LRMDA: variants seen among roughly 807,000 people sequenced by gnomAD.
LRMDA encodes the protein leucine-rich melanocyte differentiation-associated protein.
Under a neutral mutation model 29.8 loss-of-function variants are expected in LRMDA, and 18 were observed. The ratio of observed to expected loss-of-function variants is 0.60; its 90% CI spans 0.42 to 0.90. The LOEUF (loss-of-function observed/expected upper bound fraction) is 0.90, where lower values mean the gene tolerates loss of function less well. LRMDA is among the 40% of genes least tolerant of loss of function. LRMDA has a pLI of 0.00. For missense variants in LRMDA, 273 were observed against 273.9 expected (o/e 1.00, Z 0.02); for synonymous variants, 125 against 109.4 (o/e 1.14, Z -0.89).
chr10:75,512,115 G>C (rs1176248272), intron 2 of LRMDA, among the ~76,000 whole-genome samples: 3 of 152,196 alleles, frequency 2.0e-5, no homozygotes, highest in African/African-American at 7.2e-5. Flanking sequence ...ACTTTCATCT[G>C]TTTGGACAAG....
chr10:76,226,968 G>A (rs1355229449), intron 5 of LRMDA, among the ~76,000 whole-genome samples: 1 of 152,180 alleles, frequency 6.6e-6, no homozygotes, highest in Non-Finnish European at 1.5e-5. Context: ...AATAAAACAA[G>A]CAATGTTGTG....
intron 6 of LRMDA, among the ~76,000 whole-genome samples, chr10:76,481,431 A>G (rs1022604976): frequency 6.6e-5 from 10 of 151,840 alleles, no homozygotes; most frequent in African/African-American, 2.4e-4. Context: ...GGAGATATAA[A>G]TCTCTTGCTG....
At chr10:75,975,948 A>C (rs1847062151) in intron 2 of LRMDA, among the ~76,000 whole-genome samples, 1 of 152,224 alleles carries the variant, frequency 6.6e-6, no homozygotes, top group South Asian at 2.1e-4. Context: ...CTGGGACAAC[A>C]GTAGTAGCTT....
chr10:75,647,545 TC>T (rs1841538639), intron 2 of LRMDA: 1 of 152,340 alleles, frequency 6.6e-6, no homozygotes. Context: ...GTCATGTACA[TC>T]CCACTGATGT....
rs117411564 is a variant in LRMDA, at chr10:75,888,901, A to G, written c.132-147107A>G. Among the ~76,000 whole-genome samples, 66 of 152,352 alleles carry G rather than the reference A, an allele frequency of 4.3e-4. 3 individuals carry two copies. In the East Asian group the frequency reaches 0.013, roughly 29 times the overall value. ...CTTAGACAAGATGCCAAAAGTAGGT[A>G]TTAGGATAAAAATGGGCCTTTTGTA... On this transcript the variant is annotated intron_variant, in intron 2 of 6. Transcript: ENST00000611255.
intron 5 of LRMDA, among the ~76,000 whole-genome samples, chr10:76,171,237 G>A (rs113846306): frequency 0.011 from 1,707 of 152,320 alleles, 16 homozygotes; most frequent in Non-Finnish European, 0.016. Context: ...CTGGGTTCAA[G>A]CAATTCTCCT....
rs530968789 is a variant in LRMDA, at chr10:75,447,681, G to A, written c.131+9187G>A. Among the ~76,000 whole-genome samples, 12 of 152,226 alleles carry A rather than the reference G, an allele frequency of 7.9e-5. No homozygotes were observed. The South Asian group carries it at 1.7e-3, about 21-fold the overall frequency. ...CCAGCACTTTGGGAGGCTCAGTTGA[G>A]CCCAGGAGTTTGAAACCAGCCTGGG... On this transcript the variant is annotated intron_variant, in intron 2 of 6. Coordinates refer to ENST00000611255, the MANE Select transcript of LRMDA (RefSeq NM_001305581.2).
intron 6 of LRMDA, among the ~76,000 whole-genome samples, chr10:76,357,681 T>A (rs533713355): frequency 1.3e-5 from 2 of 152,174 alleles, no homozygotes; most frequent in East Asian, 3.9e-4. Context: ...ACAAAGTAGG[T>A]GTAAAATGAA....
intron 5 of LRMDA, among the ~76,000 whole-genome samples, chr10:76,135,918 G>A (rs56081027): frequency 0.15 from 22,060 of 151,982 alleles, 1,983 homozygotes; most frequent in Admixed American, 0.23. Flanking sequence ...ATCTTTTTGG[G>A]AGAACACAAT....
intron 2 of LRMDA, among the ~76,000 whole-genome samples, chr10:76,024,535 A>G (rs1255793896): frequency 6.6e-6 from 1 of 152,218 alleles, no homozygotes; most frequent in Non-Finnish European, 1.5e-5. Context: ...ACATAAAGCT[A>G]TCTTGTAGTC....
At chr10:75,754,538 C>G (rs528983901) in intron 2 of LRMDA, among the ~76,000 whole-genome samples, 96 of 152,162 alleles carry the variant, frequency 6.3e-4, no homozygotes, top group African/African-American at 2.2e-3. Context: ...CCTAACTGCA[C>G]GGGGTGAACT....
chr10:75,670,187 G>GT (rs1281303257), intron 2 of LRMDA, among the ~76,000 whole-genome samples: 2 of 152,218 alleles, frequency 1.3e-5, no homozygotes, highest in African/African-American at 4.8e-5. Flanking sequence ...TATTAACAGT[G>GT]TAAGTGACCT....
chr10:75,525,372 G>A (rs12243753), intron 2 of LRMDA, among the ~76,000 whole-genome samples: 2,249 of 152,188 alleles, frequency 0.015, 60 homozygotes, highest in African/African-American at 0.052. Context: ...CCTTGCCAAG[G>A]GTAATGAAAT....
At chr10:76,016,822 G>A (rs777350360) in intron 2 of LRMDA, among the ~76,000 whole-genome samples, 18 of 152,206 alleles carry the variant, frequency 1.2e-4, no homozygotes, top group Non-Finnish European at 1.5e-4. Context: ...TTTGACCGCC[G>A]CATCAGTGCT....
chr10:75,463,647 C>A (rs1387990287), intron 2 of LRMDA, among the ~76,000 whole-genome samples: 1 of 151,948 alleles, frequency 6.6e-6, no homozygotes, highest in Admixed American at 6.6e-5. Context: ...GCCACCACAC[C>A]AGCTAATTTT....
At chr10:75,860,620 CACATT>C (rs1183784858) in intron 2 of LRMDA, among the ~76,000 whole-genome samples, 1 of 152,144 alleles carries the variant, frequency 6.6e-6, no homozygotes, top group Non-Finnish European at 1.5e-5. Context: ...CCACACCTGG[CACATT>C]ATGATGTTTC....
intron 6 of LRMDA, among the ~76,000 whole-genome samples, chr10:76,515,001 G>T (rs1381947910): frequency 1.3e-5 from 2 of 152,106 alleles, no homozygotes; most frequent in Admixed American, 1.3e-4. Flanking sequence ...TATTCTTCTG[G>T]CATGATTATG....
rs745667319 is a variant in LRMDA, at chr10:76,113,573, C to G, written c.516+54790C>G. Among the ~76,000 whole-genome samples the G allele has an allele frequency of 4.6e-5, 7 of 152,082 alleles. 1 individual carries two copies. The highest frequency in any genetic ancestry group is 5.9e-5 in the Non-Finnish European group (4 of 68,018). ...TTCATGCTGTATTGCTTTTTCTTGA[C>G]CAATGAAAAGCCCCCTTTTTCAGAT... On this transcript the variant is annotated intron_variant, in intron 5 of 6. Coordinates refer to ENST00000611255, the MANE Select transcript of LRMDA (RefSeq NM_001305581.2).
chr10:75,887,396 C>T (rs1417835089), intron 2 of LRMDA, among the ~76,000 whole-genome samples: 1 of 152,012 alleles, frequency 6.6e-6, no homozygotes, highest in Non-Finnish European at 1.5e-5. Context: ...AAATGAGACT[C>T]TTCTATGAAT....
Sources: gnomAD v4.1 joint callset for allele counts (sites outside exome capture counted in the v4.1 genomes callset) on GRCh38, gnomAD v4.1.1 for gene constraint, MANE v1.5 for transcripts, NCBI Gene and HGNC (gene_info 2026-07-23, HGNC 2026-07-21) for gene names.